The following CWC27 variants were observed in gnomAD, a reference collection of about 807,000 sequenced individuals.
CWC27 encodes CWC27 spliceosome associated cyclophilin.
CWC27 carries 47 observed loss-of-function variants against 63.6 expected under a neutral mutation model. That is an observed-to-expected ratio of 0.74 (90% CI 0.58 to 0.94). The LOEUF (loss-of-function observed/expected upper bound fraction) is 0.94, where lower values mean the gene tolerates loss of function less well. Among genes scored for constraint, CWC27 ranks in the 40% least tolerant of loss-of-function variants. The pLI is 0.00. For missense variants in CWC27, 495 were observed against 554.3 expected (o/e 0.89, Z 1.07); for synonymous variants, 175 against 179.8 (o/e 0.97, Z 0.22).
At chr5:64,815,558 T>C (rs1745001437) in intron 10 of CWC27, among the ~76,000 whole-genome samples, 1 of 152,208 alleles carries the variant, frequency 6.6e-6, no homozygotes, top group Non-Finnish European at 1.5e-5. Flanking sequence ...TACTACAGTC[T>C]CTACGATTTA....
At chr5:64,773,911 A>G (rs966584137) in intron 1 of CWC27, 3 of 152,224 alleles carry the variant, frequency 2.0e-5, no homozygotes, top group African/African-American at 4.8e-5. Flanking sequence ...TTTAAGACAT[A>G]GTATTTTAGT....
intron 11 of CWC27, among the ~76,000 whole-genome samples, chr5:64,944,283 C>A (rs1301742069): frequency 6.6e-6 from 1 of 151,882 alleles, no homozygotes. Flanking sequence ...AATATACATG[C>A]TTGTCATCTC....
intron 10 of CWC27, among the ~76,000 whole-genome samples, chr5:64,816,384 C>A (rs935662078): frequency 1.3e-5 from 2 of 152,178 alleles, no homozygotes; most frequent in African/African-American, 4.8e-5. Flanking sequence ...TTAACTGAAA[C>A]ACATTCATCA....
chr5:64,880,345 G>T (rs1299666804), intron 10 of CWC27, among the ~76,000 whole-genome samples: 1 of 151,868 alleles, frequency 6.6e-6, no homozygotes, highest in South Asian at 2.1e-4. Flanking sequence ...TTAATTTCTA[G>T]CTCTGTCACT....
intron 10 of CWC27, among the ~76,000 whole-genome samples, chr5:64,810,140 A>G (rs1426808542): frequency 6.6e-6 from 1 of 152,058 alleles, no homozygotes; most frequent in Non-Finnish European, 1.5e-5. Flanking sequence ...CCCAACATTT[A>G]TTGAAGAGAC....
intron 10 of CWC27, among the ~76,000 whole-genome samples, chr5:64,842,868 C>G (rs1369692408): frequency 1.3e-5 from 2 of 152,190 alleles, no homozygotes. Flanking sequence ...TCTCAAAGTG[C>G]TGGGATTACA....
chr5:64,776,041 A>G (rs762366740), intron 2 of CWC27, among the ~76,000 whole-genome samples: 8 of 148,068 alleles, frequency 5.4e-5, no homozygotes, highest in Non-Finnish European at 8.9e-5. Flanking sequence ...CCCCCTCTCC[A>G]AAAGAGAGAG....
At chr5:64,980,377 T>G (rs973056660) in intron 13 of CWC27, among the ~76,000 whole-genome samples, 1 of 152,220 alleles carries the variant, frequency 6.6e-6, no homozygotes, top group East Asian at 1.9e-4. Context: ...GAAGTCCATA[T>G]GCCAAATTGG....
chr5:64,828,561 G>C (rs1253128309), intron 10 of CWC27, among the ~76,000 whole-genome samples: 1 of 151,944 alleles, frequency 6.6e-6, no homozygotes, highest in Non-Finnish European at 1.5e-5. Flanking sequence ...ATGGCAGAGG[G>C]GGCTTGAGAC....
intron 11 of CWC27, among the ~76,000 whole-genome samples, chr5:64,901,410 A>G (rs575285152): frequency 6.6e-6 from 1 of 150,980 alleles, no homozygotes; most frequent in Admixed American, 6.6e-5. Context: ...GTGAGCCGAG[A>G]TGGCACCACT....
rs139149093 is a variant in CWC27 at position 64,781,190 on chromosome 5, T to G, written c.140-731T>G. ...TATTTATGAGTTCTAAATTATATAC[T>G]CCAATTGTATATTTTTGAATTACAT... is the stretch of plus-strand genomic sequence containing the variant. On this transcript the variant is annotated intron_variant, in intron 2 of 13. Coordinates refer to ENST00000381070, the MANE Select transcript of CWC27 (RefSeq NM_005869.4). Among the ~76,000 whole-genome samples the G allele has an allele frequency of 5.3e-3, 801 of 152,280 alleles. 3 individuals carry two copies. The highest frequency in any genetic ancestry group is 8.7e-3 in the Non-Finnish European group (590 of 68,018).
At chr5:64,775,985 T>A (rs1001152156) in intron 2 of CWC27, among the ~76,000 whole-genome samples, 4 of 151,256 alleles carry the variant, frequency 2.6e-5, no homozygotes, top group African/African-American at 7.3e-5. Flanking sequence ...TAAATAGACG[T>A]AATTATCAGG....
chr5:64,988,056 C>T (rs1165449304), intron 13 of CWC27, among the ~76,000 whole-genome samples: 4 of 152,170 alleles, frequency 2.6e-5, no homozygotes, highest in African/African-American at 9.6e-5. Context: ...ACTCTAGTGA[C>T]ATGAATTTTA....
At chr5:64,976,514 A>G (rs1161195104) in intron 12 of CWC27, among the ~76,000 whole-genome samples, 2 of 151,880 alleles carry the variant, frequency 1.3e-5, no homozygotes, top group African/African-American at 4.8e-5. Context: ...ATGAGCATAC[A>G]TTTTTTATTT....
chr5:64,770,144 A>G (rs1485941559), intron 1 of CWC27, among the ~76,000 whole-genome samples: 2 of 152,210 alleles, frequency 1.3e-5, no homozygotes, highest in Non-Finnish European at 2.9e-5. Flanking sequence ...TTATTCATTG[A>G]CATTTGATAA....
At chr5:64,822,324 A>T (rs1178523690) in intron 10 of CWC27, among the ~76,000 whole-genome samples, 1 of 152,234 alleles carries the variant, frequency 6.6e-6, no homozygotes, top group East Asian at 1.9e-4. Flanking sequence ...CCAGATAGTT[A>T]GCTGTGTGTA....
intron 10 of CWC27, among the ~76,000 whole-genome samples, chr5:64,874,088 A>G (rs1746737829): frequency 1.5e-5 from 2 of 134,148 alleles, no homozygotes; most frequent in African/African-American, 5.6e-5. Context: ...TGACCAGGTT[A>G]TTTCAAAAGA....
intron 11 of CWC27, among the ~76,000 whole-genome samples, chr5:64,955,734 GA>G (rs201243588): frequency 1.3e-5 from 2 of 149,566 alleles, no homozygotes; most frequent in East Asian, 3.9e-4. Flanking sequence ...AAATAAAAAT[GA>G]AAAAAAAAGT....
intron 11 of CWC27, among the ~76,000 whole-genome samples, chr5:64,911,009 T>C (rs1334557814): frequency 2.6e-5 from 4 of 152,160 alleles, no homozygotes; most frequent in Non-Finnish European, 4.4e-5. Context: ...CAGTTGGAAA[T>C]GCAGAAATCA....
Sources: allele counts gnomAD v4.1 joint callset (sites outside exome capture counted in the v4.1 genomes callset), GRCh38; gene constraint gnomAD v4.1.1; transcripts MANE v1.5; gene names NCBI Gene and HGNC (gene_info 2026-07-23, HGNC 2026-07-21).